The following CYP3A43 variants were observed in gnomAD, a reference collection of about 807,000 sequenced individuals.
The protein encoded by CYP3A43 is cytochrome P450 family 3 subfamily A member 43.
CYP3A43 carries 45 observed loss-of-function variants against 58.0 expected under a neutral mutation model. The ratio of observed to expected loss-of-function variants is 0.78; its 90% confidence interval spans 0.61 to 0.99. CYP3A43 has a LOEUF of 0.99. Among genes scored for constraint, CYP3A43 ranks in the 50% least tolerant of loss-of-function variants. The pLI, the probability that CYP3A43 is intolerant of heterozygous loss-of-function variation, is 0.00. For missense variants in CYP3A43, 593 were observed against 591.9 expected (o/e 1.00, Z -0.02); for synonymous variants, 191 against 201.4 (o/e 0.95, Z 0.44).
At chr7:99,834,954 G>T (rs568468216) in intron 1 of CYP3A43, among the ~76,000 whole-genome samples, 1 of 152,300 alleles carries the variant, frequency 6.6e-6, no homozygotes, top group South Asian at 2.1e-4. Context: ...TTCCTAAGCT[G>T]CCAGCTATGT....
chr7:99,854,005 T>C (rs2151616016), intron 7 of CYP3A43, among the ~76,000 whole-genome samples: 1 of 152,314 alleles, frequency 6.6e-6, no homozygotes, highest in Admixed American at 6.5e-5. Flanking sequence ...CATTTATCCA[T>C]TGAATTGCAG....
intron 7 of CYP3A43, among the ~76,000 whole-genome samples, chr7:99,854,015 G>C (rs968575316): frequency 6.6e-6 from 1 of 152,156 alleles, no homozygotes; most frequent in African/African-American, 2.4e-5. Context: ...TTGAATTGCA[G>C]ACATTCCAAT....
At chr7:99,858,303 G>T (rs1818075623) in intron 9 of CYP3A43, among the ~76,000 whole-genome samples, 1 of 152,158 alleles carries the variant, frequency 6.6e-6, no homozygotes, top group South Asian at 2.1e-4. Context: ...TCACAACTCT[G>T]TAGACCTTTC....
In CYP3A43 at chr7:99,865,891, G is replaced by A. The variant is rs746725813; in HGVS notation, c.1417-15G>A. 29 of 1,518,662 alleles carry A rather than the reference G, an allele frequency of 1.9e-5. No individual in the cohort carries two copies. The East Asian group carries it at 6.6e-4, about 35-fold the overall frequency. 94.1% of individuals were successfully genotyped at this position (1,518,662 alleles called of 1,614,324 possible). A position where few individuals can be genotyped will look rare whatever the true frequency, so the allele number is the denominator to read the frequency against. ...TGCTTCATTGTTTCTGAATATTCTT[G>A]TTTAACTTTTGCAGATCCCACTGAA... On this transcript the variant is annotated splice_polypyrimidine_tract_variant and intron_variant, in intron 12 of 12. Transcript: ENST00000354829.
At position 99,828,515 on chromosome 7, in the gene CYP3A43, G is replaced by T. The variant is rs10255255; in HGVS notation, c.71+329G>T. Among the ~76,000 whole-genome samples, 798 of 152,096 alleles carry T rather than the reference G, an allele frequency of 5.2e-3. 9 individuals carry two copies. The highest frequency in any genetic ancestry group is 0.018 in the African/African-American group (727 of 41,500). Reference sequence around the variant, plus strand: ...TTCTCTACTAAAAATACAAAAATTAGTCAGGCATGGTGGCACACACCTGTA... The same window carrying T: ...TTCTCTACTAAAAATACAAAAATTATTCAGGCATGGTGGCACACACCTGTA... On this transcript the variant is annotated intron_variant, in intron 1 of 12. Transcript: ENST00000354829.
chr7:99,845,280 T>C (rs780665570), intron 4 of CYP3A43, among the ~76,000 whole-genome samples: 14 of 152,102 alleles, frequency 9.2e-5, no homozygotes, highest in Non-Finnish European at 1.9e-4. Context: ...TTGTCAAAAA[T>C]CAGTTGAGCA....
intron 1 of CYP3A43, among the ~76,000 whole-genome samples, chr7:99,832,792 A>C (rs183523497): frequency 4.0e-4 from 61 of 152,176 alleles, no homozygotes; most frequent in Admixed American, 7.8e-4. Flanking sequence ...CATGTAATAC[A>C]TGCTTTGCTT....
intron 7 of CYP3A43, among the ~76,000 whole-genome samples, chr7:99,852,132 G>T (rs536780784): frequency 6.6e-6 from 1 of 152,306 alleles, no homozygotes; most frequent in African/African-American, 2.4e-5. Flanking sequence ...ATGTATTCTG[G>T]ACTGTAAATT....
intron 9 of CYP3A43, among the ~76,000 whole-genome samples, chr7:99,858,552 G>A (rs1360241360): frequency 1.3e-5 from 2 of 152,038 alleles, no homozygotes; most frequent in Non-Finnish European, 2.9e-5. Flanking sequence ...TAAGGAAGAT[G>A]CTATTCGGGC....
chr7:99,845,767 A>G (rs1817521163), intron 4 of CYP3A43, among the ~76,000 whole-genome samples: 1 of 145,766 alleles, frequency 6.9e-6, no homozygotes. Flanking sequence ...TTATTGTTTT[A>G]GTTCTTGTTT....
At chr7:99,830,294 G>A (rs2151585238) in intron 1 of CYP3A43, among the ~76,000 whole-genome samples, 2 of 152,204 alleles carry the variant, frequency 1.3e-5, no homozygotes, top group South Asian at 4.2e-4. Flanking sequence ...GAGGTGGGTG[G>A]ATCACGTGAG....
At chr7:99,835,940 A>G (rs937419102) in intron 1 of CYP3A43, among the ~76,000 whole-genome samples, 2 of 152,230 alleles carry the variant, frequency 1.3e-5, no homozygotes, top group African/African-American at 4.8e-5. Flanking sequence ...AGGCTTGTAA[A>G]TTGTATCCAC....
intron 2 of CYP3A43, among the ~76,000 whole-genome samples, chr7:99,837,101 C>G (rs1252684856): frequency 6.8e-6 from 1 of 147,210 alleles, no homozygotes. Flanking sequence ...GTCAGGAGAT[C>G]GAGACCATCC....
In CYP3A43 at chr7:99,849,650, A is replaced by C. The variant is rs978854726; in HGVS notation, c.626A>C (p.Lys209Thr). The C allele has an allele frequency of 7.4e-6, 12 of 1,610,952 alleles. No individual in the cohort carries two copies. The highest frequency in any genetic ancestry group is 9.3e-6 in the Non-Finnish European group (11 of 1,179,350). The change falls in exon 7 of 13, where the codon AAG becomes ACG. Residue 209 changes from lysine (K) to threonine (T), a missense_variant. Coordinates refer to ENST00000354829, the MANE Select transcript of CYP3A43 (RefSeq NM_057095.3). The stretch of plus-strand genomic sequence containing the variant: ...GATCCCTTTCTGAAAAATATGAAGA[A>C]GCTTTTAAAATTGGATTTTTTGGAT... ...PQDPFLKNMK[K>T]LLKLDFLDPF...
At position 99,844,364 on chromosome 7, in the gene CYP3A43, G is replaced by A. The variant is rs181668317; in HGVS notation, c.318+122G>A. 196 of 868,562 alleles carry A rather than the reference G, an allele frequency of 2.3e-4. No individual in the cohort carries two copies. In the African/African-American group the frequency reaches 2.8e-3, roughly 12 times the overall value. The allele number at this position is 868,562 out of a possible 1,614,324, so 53.8% of individuals were successfully genotyped here. A position where few individuals can be genotyped will look rare whatever the true frequency, so the allele number is the denominator to read the frequency against. ...TATACTTCGTCCTATTTCCCCCAAT[G>A]GTGATGTCTTATTTAACTGTAGATA... On this transcript the variant is annotated intron_variant, in intron 4 of 12. Transcript: ENST00000354829.
chr7:99,858,211 C>T (rs566693441), intron 9 of CYP3A43, among the ~76,000 whole-genome samples: 2 of 152,182 alleles, frequency 1.3e-5, no homozygotes, highest in Non-Finnish European at 2.9e-5. Context: ...AATTCCATGT[C>T]CTGGGGTTCA....
At chr7:99,861,953 T>C in intron 11 of CYP3A43, 114 bp downstream of exon 11, 1 of 904,372 alleles carries the variant, frequency 1.1e-6, no homozygotes, top group Non-Finnish European at 1.7e-6. Context: ...TTTTGGAAGT[T>C]TTTTATTACA....
rs140041607 is a variant in CYP3A43 at position 99,847,565 on chromosome 7, G to T, written c.396G>T (p.Leu132Phe). Residue 132 changes from leucine (L) to phenylalanine (F), a missense_variant, in exon 5 of 13, where the codon TTG becomes TTT. Physicochemically the swap from Leu to Phe is conservative, Grantham distance 22. Coordinates refer to ENST00000354829, the MANE Select transcript of CYP3A43 (RefSeq NM_057095.3). ...AAGAATGGAAGAGAATACGAACATT[G>T]CTATCTCCAGCTTTCACCAGTGTAA... Reference protein sequence around the residue: ...EDEEWKRIRTLLSPAFTSVKF... With the variant: ...EDEEWKRIRTFLSPAFTSVKF... The T allele has an allele frequency of 5.3e-4, 855 of 1,613,802 alleles. 1 individual carries two copies. The highest frequency in any genetic ancestry group is 6.8e-4 in the Non-Finnish European group (800 of 1,179,926).
At chr7:99,831,691 C>T (rs1180768999) in intron 1 of CYP3A43, among the ~76,000 whole-genome samples, 1 of 152,038 alleles carries the variant, frequency 6.6e-6, no homozygotes, top group Non-Finnish European at 1.5e-5. Context: ...GAGCACCAGA[C>T]TTAATGGGTT....
Sources: gnomAD v4.1 joint callset for allele counts (sites outside exome capture counted in the v4.1 genomes callset) on GRCh38, gnomAD v4.1.1 for gene constraint, MANE v1.5 for transcripts, NCBI Gene and HGNC (gene_info 2026-07-23, HGNC 2026-07-21) for gene names.